NAALADL2: variants seen among roughly 807,000 people sequenced by gnomAD.
The protein encoded by NAALADL2 is N-acetylated alpha-linked acidic dipeptidase like 2.
In NAALADL2, 76 loss-of-function variants were observed where a neutral mutation model predicts 87.2. The ratio of observed to expected loss-of-function variants is 0.87; its 90% CI spans 0.72 to 1.05. NAALADL2 has a LOEUF of 1.05. Ranked by LOEUF, NAALADL2 falls within the 50% of genes least tolerant of loss-of-function variation. The pLI, the probability that NAALADL2 is intolerant of heterozygous loss-of-function variation, is 0.00. For synonymous variants in NAALADL2, 354 were observed against 331.0 expected (o/e 1.07, Z -0.75); for missense variants, 1,089 against 945.8 (o/e 1.15, Z -1.99).
At chr3:175,467,924 C>T (rs1411332711) in intron 8 of NAALADL2, among the ~76,000 whole-genome samples, 1 of 152,080 alleles carries the variant, frequency 6.6e-6, no homozygotes, top group African/African-American at 2.4e-5. Context: ...AGTCTATTTA[C>T]TTTTGTGATT....
intron 11 of NAALADL2, among the ~76,000 whole-genome samples, chr3:175,710,577 C>T (rs953889445): frequency 7.1e-5 from 10 of 140,602 alleles, no homozygotes; most frequent in South Asian, 2.2e-4. Flanking sequence ...TGTGTAAATA[C>T]GTATTCAGAT....
At chr3:175,137,302 A>G (rs548351787) in intron 2 of NAALADL2, among the ~76,000 whole-genome samples, 1 of 152,252 alleles carries the variant, frequency 6.6e-6, no homozygotes, top group African/African-American at 2.4e-5. Flanking sequence ...TTTCACCCAC[A>G]TATATTATTT....
chr3:175,056,486 G>A (rs543089473), intron 1 of NAALADL2, among the ~76,000 whole-genome samples: 19 of 152,168 alleles, frequency 1.2e-4, no homozygotes, highest in African/African-American at 4.1e-4. Context: ...CTGGATTCGA[G>A]CCCCCACGTA....
chr3:174,736,659 T>C (rs766704318), intron 2 of NAALADL2, among the ~76,000 whole-genome samples: 2 of 152,136 alleles, frequency 1.3e-5, no homozygotes, highest in Non-Finnish European at 2.9e-5. Flanking sequence ...GATTGGCTCA[T>C]GGGCAGCCTT....
chr3:175,429,196 C>CAT (rs1398576657), intron 5 of NAALADL2, among the ~76,000 whole-genome samples: 12 of 127,978 alleles, frequency 9.4e-5, no homozygotes, highest in African/African-American at 2.5e-4. Context: ...CACACACACA[C>CAT]ACACACACAC....
rs116147247 is a variant in NAALADL2, at chr3:175,448,558, G to T, written c.1234+1186G>T. ...CAAGGAGCTGACAGTCTCTGTGCTA[G>T]CTCCATGCCCTCCCCTATGTCACCT... On this transcript the variant is annotated intron_variant, in intron 6 of 13. Coordinates refer to ENST00000454872, the MANE Select transcript of NAALADL2 (RefSeq NM_207015.3). Among the ~76,000 whole-genome samples, 755 of 152,268 alleles carry T rather than the reference G, an allele frequency of 5.0e-3. 6 individuals are homozygous for T. The highest frequency in any genetic ancestry group is 0.017 in the African/African-American group (702 of 41,548).
chr3:174,676,390 A>T (rs984171456), intron 2 of NAALADL2, among the ~76,000 whole-genome samples: 1 of 147,768 alleles, frequency 6.8e-6, no homozygotes, highest in East Asian at 1.9e-4. Context: ...TTTTTATCAT[A>T]GCCAGTATTC....
intron 3 of NAALADL2, among the ~76,000 whole-genome samples, chr3:174,740,637 A>G (rs1733679196): frequency 6.6e-6 from 1 of 151,914 alleles, no homozygotes; most frequent in Non-Finnish European, 1.5e-5. Context: ...TTAATGAGGC[A>G]GTAAAGTTGA....
At chr3:175,185,485 T>C in intron 2 of NAALADL2, among the ~76,000 whole-genome samples, 1 of 151,992 alleles carries the variant, frequency 6.6e-6, no homozygotes. Context: ...AAAAACTATT[T>C]AGAAGAAAGC....
chr3:175,695,122 C>T (rs1392976936), intron 11 of NAALADL2, among the ~76,000 whole-genome samples: 2 of 149,664 alleles, frequency 1.3e-5, no homozygotes, highest in Non-Finnish European at 3.0e-5. Context: ...AAATAAAATG[C>T]ATCCTTGCAA....
At chr3:175,081,842 G>T (rs2109246856) in intron 1 of NAALADL2, among the ~76,000 whole-genome samples, 1 of 151,882 alleles carries the variant, frequency 6.6e-6, no homozygotes, top group South Asian at 2.1e-4. Flanking sequence ...GTACATTTTT[G>T]GTTTATATTT....
intron 9 of NAALADL2, among the ~76,000 whole-genome samples, chr3:175,500,713 T>G (rs1211220207): frequency 1.3e-5 from 2 of 152,042 alleles, no homozygotes; most frequent in African/African-American, 4.8e-5. Context: ...TATTATTATC[T>G]CCATCTTACA....
In NAALADL2 at chr3:175,256,412, C is replaced by A; in HGVS notation, c.821C>A (p.Ala274Asp). 6.2e-7 allele frequency: 1 copy of A among 1,608,644 alleles called. No homozygotes were observed. Among genetic ancestry groups the A allele is most frequent in the Non-Finnish European group, 8.5e-7 (1 of 1,177,580 alleles). The change falls in exon 4 of 14, where the codon GCT (alanine) becomes GAT (aspartate). Residue 274 changes from alanine to aspartate, a missense_variant and splice_region_variant. Physicochemically the swap from Ala to Asp is moderately radical, Grantham distance 126. Coordinates refer to ENST00000454872, the MANE Select transcript of NAALADL2 (RefSeq NM_207015.3). The part of the protein sequence containing the change: ...AAYSAKGTLK[A>D]EVIDVSYGMA... ...TCTTTGTTTTTTCTCCTCTTTCAGG[C>A]TGAAGTCATCGATGTGAGTTATGGA...
intron 2 of NAALADL2, among the ~76,000 whole-genome samples, chr3:175,129,601 A>T (rs553101972): frequency 3.3e-5 from 5 of 152,190 alleles, no homozygotes; most frequent in Non-Finnish European, 7.4e-5. Flanking sequence ...AGTTTTTCAG[A>T]TTAAGATATG....
At chr3:174,881,556 G>A (rs1397747830) in intron 1 of NAALADL2, among the ~76,000 whole-genome samples, 1 of 152,070 alleles carries the variant, frequency 6.6e-6, no homozygotes, top group Non-Finnish European at 1.5e-5. Flanking sequence ...AGAAAACTTA[G>A]AGGAAAATTT....
chr3:174,826,064 C>G (rs931566997), intron 3 of NAALADL2, among the ~76,000 whole-genome samples: 36 of 151,906 alleles, frequency 2.4e-4, no homozygotes, highest in African/African-American at 8.7e-4. Flanking sequence ...ACAACAACAA[C>G]AACAACAACA....
chr3:175,321,015 C>A (rs1354354216), intron 4 of NAALADL2, among the ~76,000 whole-genome samples: 1 of 151,620 alleles, frequency 6.6e-6, no homozygotes, highest in Non-Finnish European at 1.5e-5. Context: ...ATACCAAAGC[C>A]GGGCAGAGAC....
intron 3 of NAALADL2, among the ~76,000 whole-genome samples, chr3:175,255,424 C>A (rs1749765708): frequency 6.6e-6 from 1 of 151,920 alleles, no homozygotes; most frequent in South Asian, 2.1e-4. Flanking sequence ...GATCTGGATT[C>A]TCCATCTTTA....
At chr3:175,300,755 T>TTATTTTTA (rs774634887) in intron 4 of NAALADL2, among the ~76,000 whole-genome samples, 2,737 of 146,300 alleles carry the variant, frequency 0.019, 29 homozygotes, top group Non-Finnish European at 0.026. Flanking sequence ...ATTTATTTAT[T>TTATTTTTA]TTTATTTATT....
Sources: allele counts gnomAD v4.1 joint callset (sites outside exome capture counted in the v4.1 genomes callset), GRCh38; gene constraint gnomAD v4.1.1; transcripts MANE v1.5; gene names NCBI Gene and HGNC (gene_info 2026-07-23, HGNC 2026-07-21).